The following CTNND2 variants were observed in gnomAD, a reference collection of about 807,000 sequenced individuals.
CTNND2 encodes the protein catenin delta 2.
Under a neutral mutation model 144.4 loss-of-function variants are expected in CTNND2, and 22 were observed. The ratio of observed to expected loss-of-function variants is 0.15; its 90% CI spans 0.11 to 0.22. CTNND2 has a LOEUF of 0.22. Among genes scored for constraint, CTNND2 ranks in the 10% least tolerant of loss-of-function variants. CTNND2 has a pLI of 1.00. For missense variants in CTNND2, 1,353 were observed against 1,618.8 expected (o/e 0.84, Z 2.82); for synonymous variants, 751 against 695.6 (o/e 1.08, Z -1.25).
chr5:11,033,175 CA>C (rs1743671129), intron 16 of CTNND2, among the ~76,000 whole-genome samples: 1 of 152,072 alleles, frequency 6.6e-6, no homozygotes, highest in Non-Finnish European at 1.5e-5. Flanking sequence ...CATGTGCTGA[CA>C]AAAAGGTGTT....
chr5:11,182,246 T>C (rs1227726974), intron 11 of CTNND2, among the ~76,000 whole-genome samples: 1 of 151,536 alleles, frequency 6.6e-6, no homozygotes, highest in Non-Finnish European at 1.5e-5. Flanking sequence ...GTGTGGTGTG[T>C]ACGTGTGTAG....
intron 3 of CTNND2, among the ~76,000 whole-genome samples, chr5:11,479,642 T>C (rs1261592501): frequency 6.6e-6 from 1 of 152,188 alleles, no homozygotes; most frequent in Non-Finnish European, 1.5e-5. Context: ...CCCATTTCTA[T>C]GAAACCTGAC....
chr5:11,403,179 A>T (rs6554628), intron 5 of CTNND2, among the ~76,000 whole-genome samples: 28,444 of 151,994 alleles, frequency 0.19, 5,395 homozygotes, highest in African/African-American at 0.49. Flanking sequence ...CATTAGATAT[A>T]TGTCCTGATG....
chr5:11,344,639 C>T (rs1462003734), intron 9 of CTNND2, among the ~76,000 whole-genome samples: 3 of 152,054 alleles, frequency 2.0e-5, no homozygotes. Flanking sequence ...AATCTGCATA[C>T]AAATTTGACG....
intron 2 of CTNND2, among the ~76,000 whole-genome samples, chr5:11,659,218 G>A (rs1290456138): frequency 6.6e-6 from 1 of 152,014 alleles, no homozygotes; most frequent in African/African-American, 2.4e-5. Context: ...ATTGTATTAG[G>A]TATTATAAGT....
chr5:11,547,316 T>G (rs959548846), intron 3 of CTNND2, among the ~76,000 whole-genome samples: 1 of 114,546 alleles, frequency 8.7e-6, no homozygotes, highest in Non-Finnish European at 1.9e-5. Flanking sequence ...AATAAATAAA[T>G]AAATAAAGTA....
chr5:11,245,332 T>C (rs1742881672), intron 9 of CTNND2, among the ~76,000 whole-genome samples: 2 of 152,232 alleles, frequency 1.3e-5, no homozygotes, highest in African/African-American at 4.8e-5. Context: ...TGCTGCCTTC[T>C]ATGGCCAAAT....
chr5:11,162,041 T>C (rs1188638092), intron 11 of CTNND2, among the ~76,000 whole-genome samples: 1 of 151,542 alleles, frequency 6.6e-6, no homozygotes, highest in African/African-American at 2.4e-5. Context: ...TCCCAGCTAC[T>C]TGGGAGTCTG....
intron 1 of CTNND2, among the ~76,000 whole-genome samples, chr5:11,863,893 A>G (rs1457782604): frequency 6.6e-6 from 1 of 152,230 alleles, no homozygotes; most frequent in Non-Finnish European, 1.5e-5. Context: ...GATATAATAG[A>G]TAACTGAAAT....
chr5:11,552,582 G>A (rs1775857995), intron 3 of CTNND2, among the ~76,000 whole-genome samples: 1 of 152,140 alleles, frequency 6.6e-6, no homozygotes, highest in Non-Finnish European at 1.5e-5. Context: ...TAATTTACAG[G>A]TGAGCGAAAC....
chr5:11,732,424 A>C (rs192560405), intron 1 of CTNND2, 152 bp from the exon 2 acceptor site: 33 of 608,958 alleles, frequency 5.4e-5, no homozygotes, highest in Non-Finnish European at 8.3e-5. Context: ...GGAGTAATAC[A>C]GTAAAGTAAA....
intron 2 of CTNND2, among the ~76,000 whole-genome samples, chr5:11,626,728 C>T (rs1244650583): frequency 6.6e-6 from 1 of 152,134 alleles, no homozygotes; most frequent in African/African-American, 2.4e-5. Context: ...AGAAATATAC[C>T]TACTCATGCT....
chr5:11,768,293 G>GTTTTGTTTTGTT (rs1459826356), intron 1 of CTNND2, among the ~76,000 whole-genome samples: 1 of 151,846 alleles, frequency 6.6e-6, no homozygotes, highest in African/African-American at 2.4e-5. Flanking sequence ...GTTTTGTTTT[G>GTTTTGTTTTGTT]TTTTGTTTTG....
chr5:11,571,908 T>C (rs1483722553), intron 2 of CTNND2, among the ~76,000 whole-genome samples: 2 of 152,216 alleles, frequency 1.3e-5, no homozygotes, highest in Non-Finnish European at 2.9e-5. Flanking sequence ...GTACTGTTGC[T>C]TTCTTCACAG....
chr5:11,739,667 A>G (rs1351547029), intron 1 of CTNND2, among the ~76,000 whole-genome samples: 1 of 152,288 alleles, frequency 6.6e-6, no homozygotes, highest in South Asian at 2.1e-4. Flanking sequence ...CACCACTCCT[A>G]TTATAGTGTT....
chr5:11,092,718 G>A (rs933717777), intron 15 of CTNND2, among the ~76,000 whole-genome samples: 3 of 152,156 alleles, frequency 2.0e-5, no homozygotes, highest in East Asian at 1.9e-4. Flanking sequence ...ACGATGCTTC[G>A]CGTTGTATTT....
At chr5:11,831,137 AT>A in intron 1 of CTNND2, among the ~76,000 whole-genome samples, 1 of 152,054 alleles carries the variant, frequency 6.6e-6, no homozygotes, top group Non-Finnish European at 1.5e-5. Context: ...TGATCTTGAA[AT>A]TCAACACAAT....
At chr5:11,378,919 G>T (rs1758209102) in intron 7 of CTNND2, among the ~76,000 whole-genome samples, 1 of 152,112 alleles carries the variant, frequency 6.6e-6, no homozygotes, top group Non-Finnish European at 1.5e-5. Flanking sequence ...ATGTCCATTT[G>T]ACTGGGGGAC....
chr5:11,081,247 T>C (rs1462238433), intron 16 of CTNND2, among the ~76,000 whole-genome samples: 1 of 152,100 alleles, frequency 6.6e-6, no homozygotes, highest in Admixed American at 6.6e-5. Context: ...TTGAGATTTA[T>C]TATGCAACAA....
Sources: gnomAD v4.1 joint callset for allele counts (sites outside exome capture counted in the v4.1 genomes callset) on GRCh38, gnomAD v4.1.1 for gene constraint, MANE v1.5 for transcripts, NCBI Gene and HGNC (gene_info 2026-07-23, HGNC 2026-07-21) for gene names.